The following FBXW7 variants were observed in gnomAD, a reference collection of about 807,000 sequenced individuals.
FBXW7 encodes F-box and WD repeat domain containing 7.
A neutral mutation model predicts 86.3 loss-of-function variants in FBXW7; 11 were observed. That is an observed-to-expected ratio of 0.13 (90% CI 0.08 to 0.21). The LOEUF (loss-of-function observed/expected upper bound fraction) is 0.21. Among genes scored for constraint, FBXW7 ranks in the 10% least tolerant of loss-of-function variants. The pLI, the probability that FBXW7 is intolerant of heterozygous loss-of-function variation, is 1.00. For synonymous variants in FBXW7, 313 were observed against 297.9 expected, an observed-to-expected ratio of 1.05 and a Z score of -0.52; for missense variants, 488 against 847.4, an observed-to-expected ratio of 0.58 and a Z score of 5.27.
chr4:152,415,157 T>C lies in FBXW7; in HGVS notation c.-119-2628A>G, dbSNP rs181884847. On this transcript the variant is annotated intron_variant, in intron 2 of 13. Coordinates refer to ENST00000281708, the MANE Select transcript of FBXW7 (RefSeq NM_001349798.2). Reference sequence around the variant, plus strand: ...AAATAAGTGGAGCTCTGAGAGCCTGTCTTATATTGAACTAGAGTTGCCAGC... The same window carrying C: ...AAATAAGTGGAGCTCTGAGAGCCTGCCTTATATTGAACTAGAGTTGCCAGC... Among the ~76,000 whole-genome samples, 310 of 152,304 alleles carry C rather than the reference T, an allele frequency of 2.0e-3. 1 individual carries two copies. The highest frequency in any genetic ancestry group is 3.5e-3 in the Non-Finnish European group (236 of 68,018).
rs1578861991 is a variant in FBXW7 at position 152,321,156 on chromosome 4, C to A, written c.*1725G>T. 5 of 205,658 alleles carry A rather than the reference C, an allele frequency of 2.4e-5. No individual in the cohort carries two copies. The East Asian group carries it at 3.7e-4, about 15-fold the overall frequency. The allele number at this position is 205,658 out of a possible 1,614,324, so 12.7% of individuals were successfully genotyped here. A position where few individuals can be genotyped will look rare whatever the true frequency, so the allele number is the denominator to read the frequency against. ...AAGTATTGATTTCTATGTCACACAG[C>A]AGGATGCAAAGAAACCAAGATTTTG... On this transcript the variant is annotated 3_prime_UTR_variant, in exon 14 of 14. Transcript: ENST00000281708.
intron 5 of FBXW7, among the ~76,000 whole-genome samples, chr4:152,348,384 AG>A (rs1731478944): frequency 6.6e-6 from 1 of 152,108 alleles, no homozygotes; most frequent in African/African-American, 2.4e-5. Context: ...GAAAAATCAT[AG>A]TTTTATCTTA....
chr4:152,321,698 ATT>A lies in FBXW7; in HGVS notation c.*1181_*1182del. ...AAGACTGACCAGCAACTTTATTTTAATTTTGTGTTTTATATATTTTTAAAATA... is the reference window on the plus strand; with the variant it reads ...AAGACTGACCAGCAACTTTATTTTAATTGTGTTTTATATATTTTTAAAATA... On this transcript the variant is annotated 3_prime_UTR_variant, in exon 14 of 14. Coordinates refer to ENST00000281708, the MANE Select transcript of FBXW7 (RefSeq NM_001349798.2). 4.3e-6 allele frequency: 1 copy of A among 233,064 alleles called. No individual in the cohort carries two copies. The highest frequency in any genetic ancestry group is 6.1e-5 in the East Asian group (1 of 16,502). The allele number at this position is 233,064 out of a possible 1,614,324, so 14.4% of individuals were successfully genotyped here. A position where few individuals can be genotyped will look rare whatever the true frequency, so the allele number is the denominator to read the frequency against.
At chr4:152,338,006 CT>C in intron 6 of FBXW7, 70 bp from the exon 7 acceptor site, 7 of 1,474,792 alleles carry the variant, frequency 4.7e-6, no homozygotes, top group Admixed American at 4.1e-5. Flanking sequence ...TAAAGGAAAA[CT>C]CACATCTACA....
intron 4 of FBXW7, among the ~76,000 whole-genome samples, chr4:152,398,565 G>C (rs1038413399): frequency 6.6e-6 from 1 of 151,818 alleles, no homozygotes; most frequent in African/African-American, 2.4e-5. Flanking sequence ...TTAAGAACTA[G>C]ACAATACTGA....
intron 4 of FBXW7, among the ~76,000 whole-genome samples, chr4:152,383,872 C>T (rs965807587): frequency 5.3e-5 from 8 of 152,060 alleles, no homozygotes; most frequent in Admixed American, 5.2e-4. Context: ...CAATGCTACA[C>T]AAAAACAGAT....
At chr4:152,412,259 T>A (rs1179176981) in intron 3 of FBXW7, among the ~76,000 whole-genome samples, 1 of 152,084 alleles carries the variant, frequency 6.6e-6, no homozygotes, top group African/African-American at 2.4e-5. Context: ...TCAAAAAAAA[T>A]TTTCAGTGTT....
chr4:152,344,660 C>G (rs1731084914), intron 6 of FBXW7, among the ~76,000 whole-genome samples: 1 of 151,834 alleles, frequency 6.6e-6, no homozygotes, highest in South Asian at 2.1e-4. Context: ...CATAAGCTAG[C>G]TAAACAAGCA....
At chr4:152,400,456 C>T (rs569964138) in intron 4 of FBXW7, among the ~76,000 whole-genome samples, 1 of 152,178 alleles carries the variant, frequency 6.6e-6, no homozygotes, top group African/African-American at 2.4e-5. Flanking sequence ...ATCCTCCAAC[C>T]TCAGCCTCTC....
At chr4:152,479,919 T>G (rs568069541) in intron 2 of FBXW7, among the ~76,000 whole-genome samples, 33 of 152,300 alleles carry the variant, frequency 2.2e-4, no homozygotes, top group African/African-American at 6.7e-4. Flanking sequence ...CACAGATTGT[T>G]TCTTTGGAGT....
At position 152,503,445 on chromosome 4, in the gene FBXW7, ATT is replaced by A. The variant is rs1477923982; in HGVS notation, c.-120+31494_-120+31495del. Among the ~76,000 whole-genome samples, 5 of 151,846 alleles carry A rather than the reference ATT, an allele frequency of 3.3e-5. No individual in the cohort carries two copies. The East Asian group carries it at 9.7e-4, about 29-fold the overall frequency. ...CCACCACGCCCGGCTAATTTTTTGC[ATT>A]TTTTAGTAGAGATGGGGTTTTGTCA... On this transcript the variant is annotated intron_variant, in intron 2 of 13. Coordinates refer to ENST00000281708, the MANE Select transcript of FBXW7 (RefSeq NM_001349798.2).
At chr4:152,444,610 A>C (rs76505484) in intron 2 of FBXW7, among the ~76,000 whole-genome samples, 2,084 of 152,160 alleles carry the variant, frequency 0.014, 26 homozygotes, top group Middle Eastern at 0.037. Context: ...GTTTGTAAAC[A>C]AATTCTTAAA....
At chr4:152,377,024 GTT>G (rs1212792708) in intron 4 of FBXW7, among the ~76,000 whole-genome samples, 1 of 152,082 alleles carries the variant, frequency 6.6e-6, no homozygotes, top group Middle Eastern at 3.2e-3. Flanking sequence ...TAAGTCAACT[GTT>G]TGAAACTTTG....
Position 152,448,055 on chromosome 4 carries a change from AG to A in FBXW7, c.-119-35527del. The stretch of plus-strand genomic sequence containing the variant: ...ATACAACTTAACCATAAAGTTACTG[AG>A]GCTACTCACAAAACTTGAAACGAAG... On this transcript the variant is annotated intron_variant, in intron 2 of 13. Coordinates refer to ENST00000281708, the MANE Select transcript of FBXW7 (RefSeq NM_001349798.2). 2.0e-5 allele frequency among the ~76,000 whole-genome samples: 3 copies of A among 152,358 alleles called. 1 individual carries two copies. In the Middle Eastern group the frequency reaches 0.01, roughly 518 times the overall value.
chr4:152,408,972 G>A (rs1456340900), intron 4 of FBXW7, among the ~76,000 whole-genome samples: 1 of 152,082 alleles, frequency 6.6e-6, no homozygotes, highest in East Asian at 1.9e-4. Flanking sequence ...TATATTGCTT[G>A]CCATAAGGCT....
At chr4:152,372,103 G>A (rs1734054253) in intron 4 of FBXW7, among the ~76,000 whole-genome samples, 1 of 151,960 alleles carries the variant, frequency 6.6e-6, no homozygotes, top group African/African-American at 2.4e-5. Context: ...AGCATGAGCT[G>A]TATTTTAATC....
chr4:152,460,710 G>C (rs1278870158), intron 2 of FBXW7, among the ~76,000 whole-genome samples: 1 of 152,154 alleles, frequency 6.6e-6, no homozygotes, highest in African/African-American at 2.4e-5. Context: ...TGAGCAATTT[G>C]ACCACTTATG....
At chr4:152,494,931 C>T (rs1169247748) in intron 2 of FBXW7, among the ~76,000 whole-genome samples, 1 of 152,156 alleles carries the variant, frequency 6.6e-6, no homozygotes, top group Non-Finnish European at 1.5e-5. Flanking sequence ...TTTTAAGAAA[C>T]TTACCCAAGC....
chr4:152,450,737 C>T (rs1336258099), intron 2 of FBXW7, among the ~76,000 whole-genome samples: 3 of 152,154 alleles, frequency 2.0e-5, no homozygotes, highest in Admixed American at 6.5e-5. Flanking sequence ...ATAAATAAAT[C>T]ATGTGTCTAA....
Sources: allele counts gnomAD v4.1 joint callset (sites outside exome capture counted in the v4.1 genomes callset), GRCh38; gene constraint gnomAD v4.1.1; transcripts MANE v1.5; gene names NCBI Gene and HGNC (gene_info 2026-07-23, HGNC 2026-07-21).